Variants in PLOD2 observed in about 807,000 individuals in gnomAD.
PLOD2 encodes procollagen-lysine,2-oxoglutarate 5-dioxygenase 2.
PLOD2 carries 65 observed loss-of-function variants against 101.0 expected under a neutral mutation model. The ratio of observed to expected loss-of-function variants is 0.64; its 90% CI spans 0.53 to 0.79. The LOEUF is 0.79. PLOD2 is among the 30% of genes least tolerant of loss of function. PLOD2 has a pLI of 0.00. For synonymous variants in PLOD2, 314 were observed against 302.9 expected (o/e 1.04, Z -0.38); for missense variants, 909 against 914.6 (o/e 0.99, Z 0.08).
At chr3:146,116,067 AG>A (rs1286708788) in intron 3 of PLOD2, among the ~76,000 whole-genome samples, 1 of 152,174 alleles carries the variant, frequency 6.6e-6, no homozygotes, top group African/African-American at 2.4e-5. Flanking sequence ...CATAAACTTC[AG>A]CAAAAATTAT....
At chr3:146,073,151 C>G (rs180744838) in intron 16 of PLOD2, 136 bp downstream of exon 16, 2 of 527,006 alleles carry the variant, frequency 3.8e-6, no homozygotes, top group African/African-American at 3.9e-5. Flanking sequence ...GCTATTTAAT[C>G]AGTAATTGAA....
At chr3:146,085,107 T>C in intron 11 of PLOD2, 62 bp downstream of exon 11, 1 of 800,274 alleles carries the variant, frequency 1.2e-6, no homozygotes, top group Non-Finnish European at 2.2e-6. Flanking sequence ...CTACAGTATG[T>C]TCACATCAAT....
intron 17 of PLOD2, among the ~76,000 whole-genome samples, chr3:146,071,749 G>A (rs1419555431): frequency 6.6e-6 from 1 of 151,558 alleles, no homozygotes; most frequent in East Asian, 1.9e-4. Context: ...TTTTTTTACA[G>A]TGACCCTTTA....
At chr3:146,145,715 AAAAGG>A (rs2031744294) in intron 1 of PLOD2, among the ~76,000 whole-genome samples, 1 of 152,192 alleles carries the variant, frequency 6.6e-6, no homozygotes, top group Non-Finnish European at 1.5e-5. Context: ...ATGAATTTTT[AAAAGG>A]CTGAGTCAAA....
At chr3:146,159,785 T>A (rs2032481781) in intron 1 of PLOD2, among the ~76,000 whole-genome samples, 1 of 152,186 alleles carries the variant, frequency 6.6e-6, no homozygotes, top group Admixed American at 6.5e-5. Flanking sequence ...ATGCTGAAGT[T>A]TCTCAAGCTA....
intron 4 of PLOD2, among the ~76,000 whole-genome samples, chr3:146,107,291 T>C (rs974188097): frequency 5.3e-5 from 8 of 152,224 alleles, no homozygotes; most frequent in African/African-American, 1.9e-4. Flanking sequence ...TTGTTCTCCT[T>C]GGCCTTAAAG....
intron 1 of PLOD2, among the ~76,000 whole-genome samples, chr3:146,135,199 A>G (rs2031162333): frequency 6.6e-6 from 1 of 152,194 alleles, no homozygotes; most frequent in Non-Finnish European, 1.5e-5. Context: ...TGAAAGTTTT[A>G]TAGCATCAGT....
chr3:146,100,070 G>C (rs974818600), intron 7 of PLOD2, among the ~76,000 whole-genome samples: 1 of 151,680 alleles, frequency 6.6e-6, no homozygotes, highest in Non-Finnish European at 1.5e-5. Flanking sequence ...TAGTAGAGAC[G>C]GGGTTTCACC....
At chr3:146,129,090 A>G (rs2030753119) in intron 1 of PLOD2, among the ~76,000 whole-genome samples, 1 of 152,030 alleles carries the variant, frequency 6.6e-6, no homozygotes, top group Admixed American at 6.6e-5. Flanking sequence ...CTGTGAGTAC[A>G]CTGTTCTCAT....
chr3:146,120,915 G>A (rs553577251), intron 3 of PLOD2, among the ~76,000 whole-genome samples, 197 bp downstream of exon 3: 1 of 152,086 alleles, frequency 6.6e-6, no homozygotes, highest in South Asian at 2.1e-4. Context: ...TAGAGACAGG[G>A]TTTCACCATC....
intron 15 of PLOD2, among the ~76,000 whole-genome samples, chr3:146,075,575 A>C (rs1361155585): frequency 6.6e-6 from 1 of 151,482 alleles, no homozygotes; most frequent in Non-Finnish European, 1.5e-5. Context: ...TGAATCAATC[A>C]GCTTTCTCTG....
chr3:146,156,485 T>C (rs2032307237), intron 1 of PLOD2, among the ~76,000 whole-genome samples: 2 of 152,236 alleles, frequency 1.3e-5, no homozygotes, highest in African/African-American at 4.8e-5. Context: ...ATTTTCATGT[T>C]TCATAATATA....
chr3:146,103,212 C>A (rs1261145232), intron 6 of PLOD2, among the ~76,000 whole-genome samples: 3 of 152,144 alleles, frequency 2.0e-5, no homozygotes, highest in Non-Finnish European at 4.4e-5. Context: ...TCAGTTTAGT[C>A]ATCTATCAAA....
rs2108020677 is a variant in PLOD2, at chr3:146,086,881, C to T, written c.1033G>A (p.Val345Ile). The T allele has an allele frequency of 6.6e-7, 1 of 1,510,694 alleles. No homozygotes were observed. The allele number at this position is 1,510,694 out of a possible 1,614,324, so 93.6% of individuals were successfully genotyped here. The part of the protein sequence containing the change: ...KEVYHEKDIK[V>I]FFDKAKHEIK... ...TCATGCTTAGCTTTATCAAAAAATA[C>T]CTTGATGTCCTTTTCATGATAAACT... Residue 345 changes from valine to isoleucine, a missense_variant, in exon 10 of 20, where the codon GTA (valine) becomes ATA (isoleucine). Coordinates refer to ENST00000282903, the MANE Select transcript of PLOD2 (RefSeq NM_182943.3).
intron 1 of PLOD2, among the ~76,000 whole-genome samples, chr3:146,153,205 A>C (rs535959982): frequency 6.6e-6 from 1 of 152,314 alleles, no homozygotes; most frequent in Non-Finnish European, 1.5e-5. Context: ...AGACTTCCCC[A>C]GGTGATCACA....
intron 2 of PLOD2, among the ~76,000 whole-genome samples, chr3:146,121,943 C>T (rs2030188255): frequency 6.6e-6 from 1 of 152,168 alleles, no homozygotes. Context: ...AAGTGCAATA[C>T]ACGTCCCTTC....
chr3:146,119,792 A>G (rs1046680670), intron 3 of PLOD2, among the ~76,000 whole-genome samples: 7 of 152,134 alleles, frequency 4.6e-5, no homozygotes, highest in African/African-American at 1.4e-4. Context: ...TTATGGCTGC[A>G]TAGTATTCCA....
intron 1 of PLOD2, among the ~76,000 whole-genome samples, chr3:146,147,469 T>C (rs1351125119): frequency 5.9e-5 from 9 of 152,144 alleles, no homozygotes; most frequent in Non-Finnish European, 8.8e-5. Context: ...CATCAGACTG[T>C]AGCAGAGTTT....
At chr3:146,080,144 A>G (rs1936484096) in intron 12 of PLOD2, among the ~76,000 whole-genome samples, 1 of 152,000 alleles carries the variant, frequency 6.6e-6, no homozygotes, top group African/African-American at 2.4e-5. Flanking sequence ...TAAGGAGTAC[A>G]GCAGTCCCCG....
Sources: allele counts gnomAD v4.1 joint callset (sites outside exome capture counted in the v4.1 genomes callset), GRCh38; gene constraint gnomAD v4.1.1; transcripts MANE v1.5; gene names NCBI Gene and HGNC (gene_info 2026-07-23, HGNC 2026-07-21).